The following PCDHA8 variants were observed in gnomAD, a reference collection of about 807,000 sequenced individuals.
The protein encoded by PCDHA8 is protocadherin alpha 8.
Under a neutral mutation model 61.8 loss-of-function variants are expected in PCDHA8, and 53 were observed. That is an observed-to-expected ratio of 0.86 (90% CI 0.69 to 1.08). PCDHA8 has a LOEUF of 1.08. PCDHA8 is among the 50% of genes least tolerant of loss of function. PCDHA8 has a pLI of 0.00. For missense variants in PCDHA8, 1,293 were observed against 1,245.0 expected, an observed-to-expected ratio of 1.04 and a Z score of -0.58; for synonymous variants, 618 against 556.6, an observed-to-expected ratio of 1.11 and a Z score of -1.55.
intron 1 of PCDHA8, chr5:140,882,003 G>C: frequency 2.0e-6 from 1 of 492,180 alleles, no homozygotes; most frequent in Non-Finnish European, 3.4e-6. Flanking sequence ...AATGCAAGGG[G>C]CAAAAAAATA....
chr5:140,870,714 C>G (rs2052324296), intron 1 of PCDHA8: 3 of 1,613,110 alleles, frequency 1.9e-6, no homozygotes, highest in Non-Finnish European at 8.5e-7. Context: ...TGAGCGCGCG[C>G]GATGCGGGCG....
rs782448071 is a variant in PCDHA8 at position 140,858,265 on chromosome 5, C to T, written c.2394+14550C>T. The T allele has an allele frequency of 4.1e-5, 66 of 1,597,068 alleles. 7 individuals carry two copies. Among genetic ancestry groups the T allele is most frequent in the Non-Finnish European group, 5.4e-5 (63 of 1,166,972 alleles). ...GGCCGGTGAAGCCCACGCTGGTGTG[C>T]TCTAGCGCGGTGGGGAGCTGGTCTT... On this transcript the variant is annotated intron_variant, in intron 1 of 3. Coordinates refer to ENST00000531613, the MANE Select transcript of PCDHA8 (RefSeq NM_018911.3).
chr5:140,845,503 C>A lies in PCDHA8; in HGVS notation c.2394+1788C>A, dbSNP rs1485886785. On this transcript the variant is annotated intron_variant, in intron 1 of 3. Transcript: ENST00000531613. ...TGCTTTCACAGTGAGAAAGTCTAAA[C>A]CTATTTCTTGTACATTAATACTTTT... Among the ~76,000 whole-genome samples the A allele has an allele frequency of 3.3e-5, 5 of 149,694 alleles. No homozygotes were observed. In the South Asian group the frequency reaches 8.5e-4, roughly 25 times the overall value.
rs1580971695 is a variant in PCDHA8, at chr5:140,841,647, T to A, written c.326T>A (p.Ile109Asn). The part of the protein sequence containing the change: ...SAECSIHLEV[I>N]VDRPLQVFHV... ...GAGTGCAGCATCCACCTGGAGGTGA[T>A]CGTGGACAGGCCGCTGCAGGTTTTC... The change falls in exon 1 of 4, where the codon ATC becomes AAC. Residue 109 changes from isoleucine to asparagine, a missense_variant. By Grantham distance (149) the Ile-to-Asn change is moderately radical. Coordinates refer to ENST00000531613, the MANE Select transcript of PCDHA8 (RefSeq NM_018911.3). 6.2e-7 allele frequency: 1 copy of A among 1,614,144 alleles called. No individual in the cohort carries two copies. The highest frequency in any genetic ancestry group is 2.2e-5 in the East Asian group (1 of 44,874).
At chr5:140,975,963 A>G (rs2096691903) in intron 1 of PCDHA8, among the ~76,000 whole-genome samples, 1 of 152,186 alleles carries the variant, frequency 6.6e-6, no homozygotes, top group Non-Finnish European at 1.5e-5. Flanking sequence ...TTCTTCACCA[A>G]TAGAAAGTAA....
At chr5:140,903,386 T>C (rs1053060392) in intron 1 of PCDHA8, among the ~76,000 whole-genome samples, 3 of 152,222 alleles carry the variant, frequency 2.0e-5, no homozygotes, top group Non-Finnish European at 4.4e-5. Context: ...TTGTGGTTAC[T>C]TCTAGAAACA....
At chr5:140,857,736 C>T in intron 1 of PCDHA8, 2 of 1,597,364 alleles carry the variant, frequency 1.3e-6, no homozygotes, top group African/African-American at 1.3e-5. Flanking sequence ...AACGCTCCCG[C>T]GCTGCTGGCG....
At chr5:140,868,958 T>C (rs1033698977) in intron 1 of PCDHA8, 1 of 1,397,386 alleles carries the variant, frequency 7.2e-7, no homozygotes, top group African/African-American at 1.4e-5. Context: ...GGCACTCCCA[T>C]ACAAAGGAAC....
chr5:140,884,734 C>G, intron 1 of PCDHA8: 1 of 1,445,332 alleles, frequency 6.9e-7, no homozygotes. Flanking sequence ...TTTAAGACAT[C>G]TTTCCTGCCA....
At chr5:140,872,582 G>T (rs535860760) in intron 1 of PCDHA8, among the ~76,000 whole-genome samples, 2 of 152,202 alleles carry the variant, frequency 1.3e-5, no homozygotes, top group African/African-American at 4.8e-5. Context: ...ACCTATCATC[G>T]TGAGACCCCC....
chr5:140,958,468 G>T (rs1554223482), intron 1 of PCDHA8, among the ~76,000 whole-genome samples: 6 of 152,040 alleles, frequency 3.9e-5, no homozygotes, highest in Non-Finnish European at 8.8e-5. Flanking sequence ...ACTTCTGCTG[G>T]CTTAAAGAGC....
chr5:140,963,196 G>GA (rs199602110), intron 1 of PCDHA8, among the ~76,000 whole-genome samples: 256 of 147,602 alleles, frequency 1.7e-3, no homozygotes, highest in African/African-American at 4.3e-3. Flanking sequence ...CTGTGAAAAT[G>GA]AAAAAAAAAA....
intron 1 of PCDHA8, among the ~76,000 whole-genome samples, chr5:140,881,901 T>C (rs1455904146): frequency 6.6e-6 from 1 of 152,208 alleles, no homozygotes; most frequent in Non-Finnish European, 1.5e-5. Context: ...TGTCAGCTAA[T>C]ATAAAATGTT....
chr5:140,842,311 G>A lies in PCDHA8; in HGVS notation c.990G>A (p.Met330Ile). 1 of 1,608,842 alleles carries A rather than the reference G, an allele frequency of 6.2e-7. No individual in the cohort carries two copies. The highest frequency in any genetic ancestry group is 8.5e-7 in the Non-Finnish European group (1 of 1,175,484). Residue 330 changes from methionine (M) to isoleucine (I), a missense_variant, in exon 1 of 4, where the codon ATG becomes ATA. Physicochemically the swap from Met to Ile is conservative, Grantham distance 10. Coordinates refer to ENST00000531613, the MANE Select transcript of PCDHA8 (RefSeq NM_018911.3). The stretch of plus-strand genomic sequence containing the variant: ...CCACGGACAAAGGCCATCCTCCCAT[G>A]GCGGGTCATTGCACCGTTTTAGTGA... The part of the protein sequence containing the change: ...IDATDKGHPP[M>I]AGHCTVLVRI...
intron 1 of PCDHA8, among the ~76,000 whole-genome samples, chr5:140,959,259 C>T (rs781794121): frequency 4.6e-5 from 7 of 152,040 alleles, no homozygotes; most frequent in African/African-American, 7.2e-5. Flanking sequence ...TGACTGTAGT[C>T]CCAGCTACCC....
intron 1 of PCDHA8, among the ~76,000 whole-genome samples, chr5:140,956,122 A>T (rs1371284760): frequency 6.6e-6 from 1 of 152,116 alleles, no homozygotes; most frequent in Non-Finnish European, 1.5e-5. Context: ...CTCTCTTCCT[A>T]TTTGAATACC....
intron 1 of PCDHA8, among the ~76,000 whole-genome samples, chr5:140,948,721 A>G (rs1392170905): frequency 2.0e-5 from 3 of 151,530 alleles, no homozygotes; most frequent in African/African-American, 7.2e-5. Flanking sequence ...CTTTTTTATC[A>G]ATAAGTCTAG....
At chr5:140,854,785 T>A (rs998570267) in intron 1 of PCDHA8, 1 of 149,624 alleles carries the variant, frequency 6.7e-6, no homozygotes, top group Non-Finnish European at 1.5e-5. Flanking sequence ...TTTCAAGAAC[T>A]TTGAGAGAGA....
At chr5:141,003,178 A>C (rs2098114996) in intron 3 of PCDHA8, among the ~76,000 whole-genome samples, 1 of 152,180 alleles carries the variant, frequency 6.6e-6, no homozygotes, top group East Asian at 1.9e-4. Context: ...CTGAGGCTCA[A>C]CTCCATCAAC....
Sources: gnomAD v4.1 joint callset for allele counts (sites outside exome capture counted in the v4.1 genomes callset) on GRCh38, gnomAD v4.1.1 for gene constraint, MANE v1.5 for transcripts, NCBI Gene and HGNC (gene_info 2026-07-23, HGNC 2026-07-21) for gene names.